The following ADGRL2 variants were observed in gnomAD, a reference collection of about 807,000 sequenced individuals.
ADGRL2 encodes adhesion G protein-coupled receptor L2.
ADGRL2 carries 44 observed loss-of-function variants against 157.4 expected under a neutral mutation model. The observed-to-expected ratio is 0.28, with a 90% CI of 0.22 to 0.36. The LOEUF (loss-of-function observed/expected upper bound fraction) is 0.36, where lower values mean the gene tolerates loss of function less well. ADGRL2 is among the 10% of genes least tolerant of loss of function. ADGRL2 has a pLI of 1.00. For missense variants in ADGRL2, 1,510 were observed against 1,768.9 expected (o/e 0.85, Z 2.63); for synonymous variants, 585 against 624.7 (o/e 0.94, Z 0.95).
chr1:81,644,691 T>G (rs1557531718), intron 3 of ADGRL2, among the ~76,000 whole-genome samples: 1 of 152,184 alleles, frequency 6.6e-6, no homozygotes, highest in East Asian at 1.9e-4. Flanking sequence ...TGAACCCTAA[T>G]GTAAACTATG....
intron 3 of ADGRL2, among the ~76,000 whole-genome samples, chr1:81,672,755 A>G (rs899273646): frequency 1.3e-5 from 2 of 148,984 alleles, no homozygotes; most frequent in African/African-American, 5.0e-5. Flanking sequence ...ATATATTTCT[A>G]GATTGCCCTA....
At chr1:81,680,332 G>A (rs200356459) in intron 3 of ADGRL2, among the ~76,000 whole-genome samples, 2 of 152,164 alleles carry the variant, frequency 1.3e-5, no homozygotes, top group African/African-American at 2.4e-5. Flanking sequence ...GTTGACAGTT[G>A]CAAAGCAGGT....
chr1:81,432,472 AT>A (rs918749969), intron 1 of ADGRL2, among the ~76,000 whole-genome samples: 3 of 152,180 alleles, frequency 2.0e-5, no homozygotes, highest in Admixed American at 1.3e-4. Context: ...AATTATGTTG[AT>A]TTTTTTATGC....
chr1:81,399,922 A>G (rs1437461272), intron 1 of ADGRL2, among the ~76,000 whole-genome samples: 2 of 151,894 alleles, frequency 1.3e-5, no homozygotes, highest in Non-Finnish European at 2.9e-5. Flanking sequence ...CTTCTTCCAC[A>G]CTTTCTACAG....
chr1:81,794,749 T>C (rs1454617987), intron 2 of ADGRL2, among the ~76,000 whole-genome samples: 2 of 152,210 alleles, frequency 1.3e-5, no homozygotes, highest in African/African-American at 4.8e-5. Context: ...ATACTGACCT[T>C]AAGAATGCAT....
At chr1:81,513,240 G>A (rs1050576735) in intron 2 of ADGRL2, among the ~76,000 whole-genome samples, 1 of 152,148 alleles carries the variant, frequency 6.6e-6, no homozygotes, top group Non-Finnish European at 1.5e-5. Context: ...GATTGGTTGT[G>A]ATTTTTGATA....
intron 2 of ADGRL2, among the ~76,000 whole-genome samples, chr1:81,874,675 A>G (rs1612916): frequency 0.097 from 11,079 of 114,116 alleles, 510 homozygotes; most frequent in South Asian, 0.2. Flanking sequence ...CTGTCCTGTC[A>G]TGTCTTGCCT....
At chr1:81,961,804 A>G (rs903438040) in intron 11 of ADGRL2, among the ~76,000 whole-genome samples, 2 of 152,180 alleles carry the variant, frequency 1.3e-5, no homozygotes, top group African/African-American at 4.8e-5. Context: ...GCCACTGCAC[A>G]TGGCCATAAT....
At chr1:81,311,447 C>T (rs1200414650) in intron 1 of ADGRL2, among the ~76,000 whole-genome samples, 3 of 152,048 alleles carry the variant, frequency 2.0e-5, no homozygotes, top group East Asian at 3.9e-4. Flanking sequence ...TTCTTGTATT[C>T]CCAGTAGTTT....
chr1:81,376,491 C>T (rs1212981109), intron 1 of ADGRL2, among the ~76,000 whole-genome samples: 2 of 152,122 alleles, frequency 1.3e-5, no homozygotes, highest in South Asian at 2.1e-4. Flanking sequence ...CAATGAGTCT[C>T]GCCATGTCCT....
At chr1:81,416,349 A>C (rs896387109) in intron 1 of ADGRL2, among the ~76,000 whole-genome samples, 1 of 151,864 alleles carries the variant, frequency 6.6e-6, no homozygotes, top group Non-Finnish European at 1.5e-5. Flanking sequence ...AAAAGAAAAA[A>C]CACAAAATTT....
chr1:81,830,588 A>C (rs1267408010), intron 1 of ADGRL2, among the ~76,000 whole-genome samples: 1 of 151,950 alleles, frequency 6.6e-6, no homozygotes, highest in Non-Finnish European at 1.5e-5. Flanking sequence ...GCTCACTGCA[A>C]CCTCCACCTT....
intron 1 of ADGRL2, among the ~76,000 whole-genome samples, chr1:81,363,840 AC>A (rs2076019709): frequency 6.6e-6 from 1 of 152,168 alleles, no homozygotes; most frequent in African/African-American, 2.4e-5. Context: ...TACTTGGAAA[AC>A]AACAATATAA....
chr1:81,454,570 T>C (rs1387327074), intron 2 of ADGRL2, among the ~76,000 whole-genome samples: 1 of 152,184 alleles, frequency 6.6e-6, no homozygotes, highest in African/African-American at 2.4e-5. Flanking sequence ...CTTAATGCAG[T>C]CTTAATCTTC....
At chr1:81,586,577 G>A (rs2081030823) in intron 3 of ADGRL2, among the ~76,000 whole-genome samples, 1 of 151,988 alleles carries the variant, frequency 6.6e-6, no homozygotes, top group Admixed American at 6.6e-5. Context: ...CCTTAGGTGA[G>A]ATTCACAACC....
chr1:81,805,132 A>T (rs983833277), intron 1 of ADGRL2, among the ~76,000 whole-genome samples: 2 of 152,090 alleles, frequency 1.3e-5, no homozygotes, highest in African/African-American at 4.8e-5. Context: ...GGTTTATTTT[A>T]AAAAATATAG....
chr1:81,573,852 T>A (rs2080744140), intron 2 of ADGRL2, among the ~76,000 whole-genome samples: 1 of 152,190 alleles, frequency 6.6e-6, no homozygotes, highest in South Asian at 2.1e-4. Context: ...AGTCTTATTT[T>A]ATATGATTAA....
chr1:81,967,239 CAT>C (rs1657339728), intron 13 of ADGRL2, among the ~76,000 whole-genome samples: 2 of 149,500 alleles, frequency 1.3e-5, no homozygotes, highest in African/African-American at 4.9e-5. Context: ...TTATGGTACT[CAT>C]ATCTGCTTCA....
chr1:81,494,384 T>A (rs2078691633), intron 2 of ADGRL2, among the ~76,000 whole-genome samples: 1 of 152,170 alleles, frequency 6.6e-6, no homozygotes, highest in Admixed American at 6.5e-5. Context: ...ACAGTTTATC[T>A]TGGAATGGCT....
Sources: gnomAD v4.1 joint callset for allele counts (sites outside exome capture counted in the v4.1 genomes callset) on GRCh38, gnomAD v4.1.1 for gene constraint, MANE v1.5 for transcripts, NCBI Gene and HGNC (gene_info 2026-07-23, HGNC 2026-07-21) for gene names.